Variants in B4GALNT3 observed in about 807,000 individuals in gnomAD.
B4GALNT3 encodes beta-1,4-N-acetylgalactosaminyltransferase 3.
A neutral mutation model predicts 120.2 loss-of-function variants in B4GALNT3; 86 were observed. The ratio of observed to expected loss-of-function variants is 0.72; its 90% CI spans 0.60 to 0.86. The LOEUF is 0.86. Among genes scored for constraint, B4GALNT3 ranks in the 40% least tolerant of loss-of-function variants. The probability of loss-of-function intolerance (pLI) is 0.00; values close to 1 mark genes in which losing one functional copy is unlikely to be tolerated. For synonymous variants in B4GALNT3, 518 were observed against 510.4 expected, an observed-to-expected ratio of 1.01 and a Z score of -0.20; for missense variants, 1,167 against 1,298.9, an observed-to-expected ratio of 0.90 and a Z score of 1.56.
intron 7 of B4GALNT3, among the ~76,000 whole-genome samples, chr12:547,159 C>T (rs868315028): frequency 1.1e-4 from 17 of 152,024 alleles, no homozygotes; most frequent in African/African-American, 3.9e-4. Flanking sequence ...GAAGAGCGGG[C>T]GTTGCTGGGC....
intron 1 of B4GALNT3, among the ~76,000 whole-genome samples, chr12:533,621 T>C (rs1946829169): frequency 1.3e-5 from 2 of 152,204 alleles, no homozygotes; most frequent in Admixed American, 1.3e-4. Flanking sequence ...CTCTCTGTTC[T>C]GATCCTGCCT....
intron 1 of B4GALNT3, among the ~76,000 whole-genome samples, chr12:463,710 G>A (rs1352049423): frequency 6.6e-6 from 1 of 152,220 alleles, no homozygotes; most frequent in Non-Finnish European, 1.5e-5. Flanking sequence ...GACATTTTGG[G>A]ACGTTTTGAA....
In B4GALNT3 at chr12:549,899, C is replaced by T; in HGVS notation, c.984C>T (p.Asp328=). 2 of 1,612,748 alleles carry T rather than the reference C, an allele frequency of 1.2e-6. No homozygotes were observed. Among genetic ancestry groups the T allele is most frequent in the Non-Finnish European group, 8.5e-7 (1 of 1,179,716 alleles). The change falls in exon 10 of 20, where the codon GAC becomes GAT. Residue 328 remains aspartate, a synonymous_variant. Transcript: ENST00000266383. ...PADMLRPDPR[D]TLYRVPLIPK... is the part of the protein sequence containing the mutation. ...ACATGCTTCGGCCTGACCCCCGGGA[C>T]ACCCTCTATCGAGGTAAGGCCTCGG... is the stretch of plus-strand genomic sequence containing the variant.
intron 18 of B4GALNT3, 137 bp from the exon 19 acceptor site, chr12:559,158 G>T: frequency 1.7e-6 from 2 of 1,188,748 alleles, no homozygotes; most frequent in South Asian, 2.8e-5. Context: ...TACTTGTTCA[G>T]CTAAGACAGT....
chr12:471,720 A>AAAATAAATAAATAAAT (rs10673199), intron 1 of B4GALNT3, among the ~76,000 whole-genome samples: 1 of 148,902 alleles, frequency 6.7e-6, no homozygotes, highest in African/African-American at 2.5e-5. Context: ...ATAATAATAA[A>AAAATAAATAAATAAAT]AAATAAATAA....
At chr12:484,832 G>A (rs991949330) in intron 1 of B4GALNT3, among the ~76,000 whole-genome samples, 4 of 151,918 alleles carry the variant, frequency 2.6e-5, no homozygotes, top group Non-Finnish European at 4.4e-5. Flanking sequence ...TTTTGGTTTG[G>A]AGGATGCTAA....
chr12:512,232 C>CCTT (rs1946586146), intron 1 of B4GALNT3, among the ~76,000 whole-genome samples: 1 of 88,960 alleles, frequency 1.1e-5, no homozygotes, highest in Non-Finnish European at 2.2e-5. Flanking sequence ...CCTTCTTCCA[C>CCTT]CTTCCACCTT....
chr12:528,341 T>C (rs1447657979), intron 1 of B4GALNT3, among the ~76,000 whole-genome samples: 1 of 152,084 alleles, frequency 6.6e-6, no homozygotes, highest in Non-Finnish European at 1.5e-5. Context: ...TCCTCCCACC[T>C]CAGCCTCCTG....
At chr12:500,200 G>A (rs952123919) in intron 1 of B4GALNT3, among the ~76,000 whole-genome samples, 1 of 152,072 alleles carries the variant, frequency 6.6e-6, no homozygotes, top group Non-Finnish European at 1.5e-5. Flanking sequence ...CTGGAGTACA[G>A]TGGAGCAATC....
intron 1 of B4GALNT3, 94 bp from the exon 2 acceptor site, chr12:535,072 A>C: frequency 1.0e-6 from 1 of 999,924 alleles, no homozygotes; most frequent in Non-Finnish European, 1.5e-6. Flanking sequence ...GTGAGAAGGG[A>C]AGACGGTTCC....
At chr12:512,192 C>CACCTTCCACCTTCCACCTTCCGCCTTCT (rs1180420060) in intron 1 of B4GALNT3, among the ~76,000 whole-genome samples, 1 of 79,250 alleles carries the variant, frequency 1.3e-5, no homozygotes, top group Non-Finnish European at 2.5e-5. Flanking sequence ...TTCCACCTTC[C>CACCTTCCACCTTCCACCTTCCGCCTTCT]GCCTTCCACC....
At chr12:470,523 G>A (rs550401747) in intron 1 of B4GALNT3, among the ~76,000 whole-genome samples, 2 of 152,302 alleles carry the variant, frequency 1.3e-5, no homozygotes, top group East Asian at 3.9e-4. Context: ...GGCACACAGC[G>A]CAATACGTAC....
At chr12:472,696 CA>C (rs543758014) in intron 1 of B4GALNT3, among the ~76,000 whole-genome samples, 84 of 152,352 alleles carry the variant, frequency 5.5e-4, no homozygotes, top group Non-Finnish European at 1.1e-3. Context: ...CTTGGCCTCG[CA>C]AAGTGCTGGG....
Position 553,880 on chromosome 12 carries a change from A to G in B4GALNT3, c.1957A>G (p.Ile653Val). Reference protein sequence around the residue: ...LDFQALRTDWIDLSCNTSGNL... With the variant: ...LDFQALRTDWVDLSCNTSGNL... ...CTTCCAAGCCCTGAGGACTGACTGG[A>G]TCGATCTGAGCTGTAACACATCTGG... The change falls in exon 14 of 20, where the codon ATC becomes GTC. Residue 653 changes from isoleucine (I) to valine (V), a missense_variant. Physicochemically the swap from Ile to Val is conservative, Grantham distance 29 (BLOSUM62 3). Coordinates refer to ENST00000266383, the MANE Select transcript of B4GALNT3 (RefSeq NM_173593.4). 2 of 1,614,184 alleles carry G rather than the reference A, an allele frequency of 1.2e-6. No homozygotes were observed. Among genetic ancestry groups the G allele is most frequent in the Non-Finnish European group, 1.7e-6 (2 of 1,180,016 alleles).
At chr12:545,705 GGA>G in intron 6 of B4GALNT3, among the ~76,000 whole-genome samples, 1 of 142,082 alleles carries the variant, frequency 7.0e-6, no homozygotes, top group Non-Finnish European at 1.5e-5. Context: ...GGAGGAGTGA[GGA>G]ATGGGGAGGA....
At chr12:512,172 G>GCCTTCTGCCTTCCA (rs1565598501) in intron 1 of B4GALNT3, among the ~76,000 whole-genome samples, 505 of 20,446 alleles carry the variant, frequency 0.025, 31 homozygotes, top group Non-Finnish European at 0.031. Context: ...TCCACCTTCC[G>GCCTTCTGCCTTCCA]CCTTCCGCCT....
intron 19 of B4GALNT3, among the ~76,000 whole-genome samples, 188 bp downstream of exon 19, chr12:559,609 G>C (rs943584226): frequency 5.9e-5 from 9 of 152,044 alleles, no homozygotes; most frequent in Non-Finnish European, 1.2e-4. Context: ...TATTAGAGGG[G>C]TGTGACTCGC....
At chr12:529,509 G>A (rs1026482883) in intron 1 of B4GALNT3, among the ~76,000 whole-genome samples, 4 of 152,206 alleles carry the variant, frequency 2.6e-5, no homozygotes, top group Admixed American at 6.5e-5. Context: ...TGGGGCCGAC[G>A]ATACTACTCC....
At chr12:554,515 G>A (rs1050839041) in intron 14 of B4GALNT3, among the ~76,000 whole-genome samples, 3 of 152,282 alleles carry the variant, frequency 2.0e-5, no homozygotes, top group South Asian at 4.1e-4. Context: ...TACAGGCTGG[G>A]CGCGGTGGCT....
Sources: gnomAD v4.1 joint callset for allele counts (sites outside exome capture counted in the v4.1 genomes callset) on GRCh38, gnomAD v4.1.1 for gene constraint, MANE v1.5 for transcripts, NCBI Gene and HGNC (gene_info 2026-07-23, HGNC 2026-07-21) for gene names.